LUC7L: variants seen among roughly 807,000 people sequenced by gnomAD.
LUC7L encodes putative RNA-binding protein Luc7-like 1.
A neutral mutation model predicts 51.1 loss-of-function variants in LUC7L; 29 were observed. The observed-to-expected ratio is 0.57, with a 90% CI of 0.42 to 0.77. LUC7L has a LOEUF of 0.77. Ranked by LOEUF, LUC7L falls within the 30% of genes least tolerant of loss-of-function variation. The probability of loss-of-function intolerance (pLI) is 0.00; values close to 1 mark genes in which losing one functional copy is unlikely to be tolerated. For synonymous variants in LUC7L, 181 were observed against 180.7 expected, an observed-to-expected ratio of 1.00 and a Z score of -0.01; for missense variants, 403 against 511.9, an observed-to-expected ratio of 0.79 and a Z score of 2.05.
chr16:197,535 A>C (rs1276737781), intron 6 of LUC7L, among the ~76,000 whole-genome samples: 4 of 152,264 alleles, frequency 2.6e-5, no homozygotes, highest in African/African-American at 9.6e-5. Flanking sequence ...TCATACCTAT[A>C]AACTTATAAA....
rs189966908 is a variant in LUC7L at position 226,888 on chromosome 16, G to A, written c.156+354C>T. On this transcript the variant is annotated intron_variant, in intron 2 of 9. Coordinates refer to ENST00000293872, the MANE Select transcript of LUC7L (RefSeq NM_201412.3). ...AATGAATAGAATCTATCATTTTAAGGGCATCAGGGATTTCTGCCTGTTGAA... is the reference window on the plus strand; with the variant it reads ...AATGAATAGAATCTATCATTTTAAGAGCATCAGGGATTTCTGCCTGTTGAA... Among the ~76,000 whole-genome samples the A allele has an allele frequency of 2.0e-5, 3 of 152,176 alleles. No homozygotes were observed. The East Asian group carries it at 5.8e-4, about 29-fold the overall frequency.
chr16:191,878 T>C (rs2049019432), intron 7 of LUC7L, among the ~76,000 whole-genome samples: 1 of 152,162 alleles, frequency 6.6e-6, no homozygotes, highest in South Asian at 2.1e-4. Context: ...CCCTGAGTTA[T>C]GCACTGAGGA....
chr16:209,527 C>T (rs2049579897), intron 3 of LUC7L: 1 of 151,496 alleles, frequency 6.6e-6, no homozygotes, highest in African/African-American at 2.4e-5. Flanking sequence ...ACTTTTCCGA[C>T]TGTCAGCCAG....
chr16:201,780 G>T (rs1165379195), intron 5 of LUC7L, among the ~76,000 whole-genome samples: 1 of 115,840 alleles, frequency 8.6e-6, no homozygotes, highest in Admixed American at 1.2e-4. Context: ...GTCTTGCTCT[G>T]TCACCCATAT....
At chr16:221,708 A>AG (rs200292372) in intron 2 of LUC7L, among the ~76,000 whole-genome samples, 1 of 152,048 alleles carries the variant, frequency 6.6e-6, no homozygotes, top group Non-Finnish European at 1.5e-5. Context: ...GTCTCAGAAA[A>AG]GGGGAAAAAA....
intron 2 of LUC7L, among the ~76,000 whole-genome samples, chr16:226,479 T>C (rs1278581252): frequency 1.3e-5 from 2 of 152,256 alleles, no homozygotes; most frequent in Non-Finnish European, 2.9e-5. Flanking sequence ...TTATCTGTTT[T>C]GTTCATCTGA....
chr16:222,803 T>C (rs1406879839), intron 2 of LUC7L, among the ~76,000 whole-genome samples: 4 of 151,414 alleles, frequency 2.6e-5, no homozygotes, highest in African/African-American at 9.7e-5. Context: ...GCTAATTTTG[T>C]ATTTTCAGTA....
chr16:210,380 G>A (rs1362280708), intron 3 of LUC7L, among the ~76,000 whole-genome samples: 1 of 152,204 alleles, frequency 6.6e-6, no homozygotes, highest in Non-Finnish European at 1.5e-5. Flanking sequence ...GAAAACAAAT[G>A]ATCCGGCATT....
At chr16:204,450 C>T (rs751766502) in intron 5 of LUC7L, among the ~76,000 whole-genome samples, 4 of 151,962 alleles carry the variant, frequency 2.6e-5, no homozygotes, top group South Asian at 2.1e-4. Context: ...AAAAATTAGC[C>T]GGGCGTGGTG....
chr16:199,713 G>T (rs1222271473), intron 5 of LUC7L, among the ~76,000 whole-genome samples: 5 of 138,850 alleles, frequency 3.6e-5, no homozygotes, highest in Non-Finnish European at 7.6e-5. Context: ...GGAGGTTGCT[G>T]TTGAGCTGAG....
At chr16:228,902 G>T (rs1567197412) in intron 1 of LUC7L, 2 of 1,344,536 alleles carry the variant, frequency 1.5e-6, no homozygotes, top group Non-Finnish European at 9.8e-7. Flanking sequence ...AGGAGCCTCG[G>T]AAGAGTTCTG....
chr16:189,734 C>G, intron 9 of LUC7L: 1 of 1,388,136 alleles, frequency 7.2e-7, no homozygotes, highest in Non-Finnish European at 9.3e-7. Flanking sequence ...AGTGCACAGG[C>G]CCCAGGACGC....
intron 3 of LUC7L, among the ~76,000 whole-genome samples, chr16:218,788 C>A (rs972548812): frequency 2.0e-5 from 3 of 151,708 alleles, no homozygotes; most frequent in Non-Finnish European, 4.4e-5. Context: ...CTGAAAAATG[C>A]TACTCTAAAT....
At chr16:224,441 C>T (rs1396745244) in intron 2 of LUC7L, among the ~76,000 whole-genome samples, 1 of 151,458 alleles carries the variant, frequency 6.6e-6, no homozygotes, top group Non-Finnish European at 1.5e-5. Context: ...ATTGCTTGAG[C>T]CCGGGAGGCG....
At chr16:205,690 C>T (rs529408890) in intron 5 of LUC7L, among the ~76,000 whole-genome samples, 2 of 152,312 alleles carry the variant, frequency 1.3e-5, no homozygotes, top group South Asian at 4.1e-4. Context: ...CCCGGGTTCA[C>T]GCCATTCTCC....
intron 1 of LUC7L, chr16:228,959 C>T: frequency 1.4e-6 from 2 of 1,415,832 alleles, no homozygotes; most frequent in East Asian, 3.3e-5. Flanking sequence ...TCCAGCCCTC[C>T]GCCGACTCCA....
At chr16:219,498 C>G (rs2049905151) in intron 3 of LUC7L, among the ~76,000 whole-genome samples, 1 of 152,180 alleles carries the variant, frequency 6.6e-6, no homozygotes, top group Admixed American at 6.5e-5. Context: ...GAAGGATCAC[C>G]TGAGCCCAGC....
chr16:208,901 A>C (rs1433751559), intron 3 of LUC7L: 1 of 152,298 alleles, frequency 6.6e-6, no homozygotes, highest in Non-Finnish European at 1.5e-5. Context: ...ATTTCAGATA[A>C]AAACAGAGAC....
intron 2 of LUC7L, among the ~76,000 whole-genome samples, chr16:225,736 C>T (rs181504865): frequency 6.7e-4 from 102 of 151,418 alleles, no homozygotes; most frequent in African/African-American, 2.4e-3. Context: ...CCACCCGCCT[C>T]GGCCTCCCAA....
Sources: gnomAD v4.1 joint callset for allele counts (sites outside exome capture counted in the v4.1 genomes callset) on GRCh38, gnomAD v4.1.1 for gene constraint, MANE v1.5 for transcripts, NCBI Gene and HGNC (gene_info 2026-07-23, HGNC 2026-07-21) for gene names.